AGBL1: variants seen among roughly 807,000 people sequenced by gnomAD.
AGBL1 encodes AGBL carboxypeptidase 1, also known as cytosolic carboxypeptidase 4.
Under a neutral mutation model 118.9 loss-of-function variants are expected in AGBL1, and 130 were observed. The ratio of observed to expected loss-of-function variants is 1.09; its 90% CI spans 0.95 to 1.26. AGBL1 has a LOEUF of 1.26. AGBL1 is among the 50% of genes most tolerant of loss of function. The pLI is 0.00. For synonymous variants in AGBL1, 555 were observed against 478.9 expected (o/e 1.16, Z -2.08); for missense variants, 1,584 against 1,298.1 (o/e 1.22, Z -3.38).
At chr15:86,804,377 A>G (rs945584769) in intron 22 of AGBL1, among the ~76,000 whole-genome samples, 3 of 152,192 alleles carry the variant, frequency 2.0e-5, no homozygotes, top group African/African-American at 7.2e-5. Context: ...TAATGACAGA[A>G]TCAGAACTCA....
At chr15:87,013,827 T>C (rs1596741012) in intron 24 of AGBL1, among the ~76,000 whole-genome samples, 1 of 152,110 alleles carries the variant, frequency 6.6e-6, no homozygotes, top group East Asian at 1.9e-4. Flanking sequence ...TTATGCTGAA[T>C]TCCCAGCTCA....
chr15:86,947,205 A>T (rs1027937581), intron 23 of AGBL1, among the ~76,000 whole-genome samples: 1 of 152,184 alleles, frequency 6.6e-6, no homozygotes, highest in Non-Finnish European at 1.5e-5. Context: ...TTGACTAAGT[A>T]TATGCTTGGA....
rs543027657 is a variant in AGBL1, at chr15:86,085,166, A to T, written c.51+5143A>T. On this transcript the variant is annotated intron_variant, in intron 1 of 22. Coordinates refer to ENST00000614907, the MANE Select transcript of AGBL1 (RefSeq NM_001386094.1). ...TGGTAAAGGTAAACATCAAAAGAAA[A>T]TTTTATGGAAGTTGGGGGAAGAAAC... Among the ~76,000 whole-genome samples, 10 of 152,280 alleles carry T rather than the reference A, an allele frequency of 6.6e-5. No individual in the cohort carries two copies. In the South Asian group the frequency reaches 2.1e-3, roughly 32 times the overall value.
chr15:86,898,204 T>G, intron 22 of AGBL1, among the ~76,000 whole-genome samples: 1 of 152,224 alleles, frequency 6.6e-6, no homozygotes, highest in Non-Finnish European at 1.5e-5. Context: ...TAGTATTTTA[T>G]TCTTCAACTC....
At chr15:86,174,680 A>G (rs892585710) in intron 5 of AGBL1, among the ~76,000 whole-genome samples, 3 of 151,664 alleles carry the variant, frequency 2.0e-5, no homozygotes, top group African/African-American at 7.3e-5. Flanking sequence ...ACTATGCCTA[A>G]TTTGTTAAGA....
At chr15:86,397,994 T>A (rs1043649477) in intron 18 of AGBL1, among the ~76,000 whole-genome samples, 12 of 152,188 alleles carry the variant, frequency 7.9e-5, no homozygotes, top group Non-Finnish European at 1.6e-4. Context: ...GCCCAAACTG[T>A]GATTTCTTCA....
At chr15:86,507,040 A>G (rs1360392985) in intron 18 of AGBL1, among the ~76,000 whole-genome samples, 1 of 152,114 alleles carries the variant, frequency 6.6e-6, no homozygotes, top group Non-Finnish European at 1.5e-5. Context: ...CTGATCCATG[A>G]GACCTAACTA....
chr15:86,283,340 A>T (rs1473821773), intron 16 of AGBL1, among the ~76,000 whole-genome samples: 2 of 152,182 alleles, frequency 1.3e-5, no homozygotes, highest in Admixed American at 6.6e-5. Flanking sequence ...AAATGACAAG[A>T]GACAACAAAA....
chr15:86,493,989 ATC>A (rs1288256676), intron 18 of AGBL1, among the ~76,000 whole-genome samples: 1 of 151,764 alleles, frequency 6.6e-6, no homozygotes, highest in Non-Finnish European at 1.5e-5. Context: ...GGAGCCACAA[ATC>A]TCTTTCCCAA....
At chr15:86,608,862 A>G (rs1175087678) in intron 21 of AGBL1, among the ~76,000 whole-genome samples, 2 of 152,126 alleles carry the variant, frequency 1.3e-5, no homozygotes, top group Non-Finnish European at 2.9e-5. Context: ...GCATCATGAA[A>G]CATATCTATA....
At chr15:86,302,526 C>T (rs947875966) in intron 17 of AGBL1, among the ~76,000 whole-genome samples, 4 of 151,890 alleles carry the variant, frequency 2.6e-5, no homozygotes, top group Admixed American at 2.6e-4. Flanking sequence ...CCTGTAATCC[C>T]AGCACTTTGG....
At chr15:86,716,874 C>T (rs540865399) in intron 22 of AGBL1, among the ~76,000 whole-genome samples, 61 of 152,162 alleles carry the variant, frequency 4.0e-4, no homozygotes, top group Non-Finnish European at 7.8e-4. Context: ...ACTCTAAGGG[C>T]CTACTGGAAC....
chr15:86,524,425 G>A (rs894430164), intron 19 of AGBL1, among the ~76,000 whole-genome samples: 5 of 152,164 alleles, frequency 3.3e-5, no homozygotes, highest in Non-Finnish European at 5.9e-5. Flanking sequence ...GGAGAGACAA[G>A]GTACAAATTT....
At position 86,213,124 on chromosome 15, in the gene AGBL1, C is replaced by T. The variant is rs368434826; in HGVS notation, c.489-11790C>T. ...AATAACTGCCCTTACTGTCTGGAAC[C>T]GCAGACCTTAGTTAGGAAAGAGTTC... is the stretch of plus-strand genomic sequence containing the variant. On this transcript the variant is annotated intron_variant, in intron 5 of 22. Transcript: ENST00000614907. Among the ~76,000 whole-genome samples, 236 of 152,302 alleles carry T rather than the reference C, an allele frequency of 1.5e-3. 4 individuals are homozygous for T. The South Asian group carries it at 0.046, about 29-fold the overall frequency.
intron 22 of AGBL1, among the ~76,000 whole-genome samples, chr15:86,809,352 C>T (rs1465826535): frequency 2.6e-5 from 4 of 152,146 alleles, no homozygotes; most frequent in Non-Finnish European, 4.4e-5. Context: ...TCCTTCTACC[C>T]TCAAAAGCCC....
chr15:86,126,282 A>C (rs1296361939), intron 1 of AGBL1, among the ~76,000 whole-genome samples: 1 of 152,108 alleles, frequency 6.6e-6, no homozygotes. Context: ...CCTTATTTTC[A>C]CATAAAAACA....
intron 18 of AGBL1, among the ~76,000 whole-genome samples, chr15:86,415,820 C>T (rs2010139): frequency 0.034 from 5,176 of 152,208 alleles, 146 homozygotes; most frequent in African/African-American, 0.079. Flanking sequence ...TTTAATCTGT[C>T]ATCCATTTTG....
chr15:86,590,936 G>A (rs564472933), intron 21 of AGBL1, among the ~76,000 whole-genome samples: 60 of 152,310 alleles, frequency 3.9e-4, no homozygotes, highest in African/African-American at 1.0e-3. Context: ...CATTGATACA[G>A]TATGATTGTC....
chr15:86,793,028 G>T (rs1046451232), intron 22 of AGBL1, among the ~76,000 whole-genome samples: 1 of 151,962 alleles, frequency 6.6e-6, no homozygotes, highest in Non-Finnish European at 1.5e-5. Flanking sequence ...AATAGTAACC[G>T]TAGTTAATAT....
Sources: allele counts gnomAD v4.1 joint callset (sites outside exome capture counted in the v4.1 genomes callset), GRCh38; gene constraint gnomAD v4.1.1; transcripts MANE v1.5; gene names NCBI Gene and HGNC (gene_info 2026-07-23, HGNC 2026-07-21).